RBFOX1: variants seen among roughly 807,000 people sequenced by gnomAD.
RBFOX1 encodes RNA binding protein fox-1 homolog 1.
Under a neutral mutation model 57.7 loss-of-function variants are expected in RBFOX1, and 8 were observed. The observed-to-expected ratio is 0.14, with a 90% CI of 0.08 to 0.25. The LOEUF (loss-of-function observed/expected upper bound fraction) is 0.25. RBFOX1 is among the 10% of genes least tolerant of loss of function. The probability of loss-of-function intolerance (pLI) is 1.00; values close to 1 mark genes in which losing one functional copy is unlikely to be tolerated. For missense variants in RBFOX1, 611 were observed against 548.5 expected (o/e 1.11, Z -1.14); for synonymous variants, 326 against 222.4 (o/e 1.47, Z -4.15).
intron 4 of RBFOX1, among the ~76,000 whole-genome samples, chr16:7,147,546 A>T (rs904540146): frequency 6.6e-6 from 1 of 152,022 alleles, no homozygotes; most frequent in Non-Finnish European, 1.5e-5. Context: ...GTTAGCTCCC[A>T]CTTACAAGTG....
chr16:6,313,968 C>G (rs1022235601), intron 1 of RBFOX1, among the ~76,000 whole-genome samples: 4 of 152,052 alleles, frequency 2.6e-5, no homozygotes, highest in African/African-American at 9.7e-5. Context: ...ATAAAATAAT[C>G]CCCCTAAATG....
chr16:6,963,182 T>C (rs531252646), intron 3 of RBFOX1, among the ~76,000 whole-genome samples: 1 of 152,164 alleles, frequency 6.6e-6, no homozygotes, highest in Non-Finnish European at 1.5e-5. Flanking sequence ...CACTGCTATT[T>C]TTTTTCGGAG....
chr16:6,053,351 T>G (rs56046141), intron 1 of RBFOX1, among the ~76,000 whole-genome samples: 1,824 of 152,118 alleles, frequency 0.012, 44 homozygotes, highest in African/African-American at 0.042. Flanking sequence ...GCTAACACAA[T>G]TAGTGAGTGT....
At chr16:6,196,558 A>G (rs1043687047) in intron 1 of RBFOX1, among the ~76,000 whole-genome samples, 5 of 152,192 alleles carry the variant, frequency 3.3e-5, no homozygotes, top group Non-Finnish European at 5.9e-5. Context: ...AAAAAGCCAA[A>G]TCCACCCCCC....
intron 2 of RBFOX1, among the ~76,000 whole-genome samples, chr16:5,558,756 C>T (rs1232416358): frequency 6.6e-6 from 1 of 152,112 alleles, no homozygotes; most frequent in East Asian, 1.9e-4. Context: ...AGCTTTCTGG[C>T]CAAAGCCCCC....
chr16:7,324,402 A>G (rs2096584219), intron 4 of RBFOX1, among the ~76,000 whole-genome samples: 3 of 152,138 alleles, frequency 2.0e-5, no homozygotes, highest in Non-Finnish European at 4.4e-5. Flanking sequence ...GAAGATGTAG[A>G]GAGTGCACAA....
At chr16:7,199,699 G>T (rs1184101851) in intron 4 of RBFOX1, among the ~76,000 whole-genome samples, 1 of 152,116 alleles carries the variant, frequency 6.6e-6, no homozygotes, top group Non-Finnish European at 1.5e-5. Context: ...TTCAAGATCT[G>T]CCTTTGCCAA....
At chr16:7,697,558 A>G (rs968858145) in intron 14 of RBFOX1, among the ~76,000 whole-genome samples, 6 of 152,206 alleles carry the variant, frequency 3.9e-5, no homozygotes, top group Non-Finnish European at 7.3e-5. Flanking sequence ...ATGATAAACT[A>G]TATATGCATG....
chr16:6,256,251 ATATATGTG>A (rs1169230647), intron 1 of RBFOX1, among the ~76,000 whole-genome samples: 4 of 112,048 alleles, frequency 3.6e-5, no homozygotes, highest in African/African-American at 1.9e-4. Context: ...ATATATGTAT[ATATATGTG>A]TATATATATA....
intron 4 of RBFOX1, among the ~76,000 whole-genome samples, chr16:7,290,451 G>A (rs374888361): frequency 5.9e-5 from 9 of 152,254 alleles, no homozygotes; most frequent in South Asian, 2.1e-4. Flanking sequence ...ATGTCCTTTC[G>A]TAGTTGAGCA....
At chr16:6,887,345 G>T (rs957999507) in intron 3 of RBFOX1, among the ~76,000 whole-genome samples, 3 of 152,148 alleles carry the variant, frequency 2.0e-5, no homozygotes, top group Admixed American at 6.5e-5. Flanking sequence ...AGTAAAGTAA[G>T]TTGAGAAGTT....
intron 3 of RBFOX1, among the ~76,000 whole-genome samples, chr16:5,753,609 C>T (rs2053292377): frequency 6.6e-6 from 1 of 152,102 alleles, no homozygotes; most frequent in East Asian, 1.9e-4. Flanking sequence ...TTTAAGGAAA[C>T]CTACCAGCTG....
At chr16:7,397,722 A>C (rs1365158570) in intron 4 of RBFOX1, among the ~76,000 whole-genome samples, 2 of 152,158 alleles carry the variant, frequency 1.3e-5, no homozygotes, top group Non-Finnish European at 2.9e-5. Flanking sequence ...TGATTTTGAC[A>C]TGTGTATTCA....
At chr16:6,239,162 A>T (rs555847130) in intron 1 of RBFOX1, among the ~76,000 whole-genome samples, 2 of 152,146 alleles carry the variant, frequency 1.3e-5, no homozygotes, top group African/African-American at 4.8e-5. Flanking sequence ...CGCTTATTCA[A>T]TGATTGGAAT....
intron 4 of RBFOX1, among the ~76,000 whole-genome samples, chr16:7,158,961 A>G (rs1423088085): frequency 1.3e-5 from 2 of 152,084 alleles, no homozygotes; most frequent in Non-Finnish European, 2.9e-5. Context: ...CAACACAGTG[A>G]AGATATACAA....
At chr16:7,667,515 C>G (rs966133179) in intron 13 of RBFOX1, among the ~76,000 whole-genome samples, 7 of 152,138 alleles carry the variant, frequency 4.6e-5, no homozygotes, top group African/African-American at 1.4e-4. Context: ...GATGGTTAAA[C>G]AGACTCTTAG....
intron 4 of RBFOX1, among the ~76,000 whole-genome samples, chr16:7,147,614 C>G (rs949309658): frequency 6.6e-6 from 1 of 152,152 alleles, no homozygotes; most frequent in Non-Finnish European, 1.5e-5. Flanking sequence ...TTAATGGCTT[C>G]CAGCTGCATT....
At chr16:7,250,067 CT>C (rs2094451268) in intron 4 of RBFOX1, among the ~76,000 whole-genome samples, 1 of 152,252 alleles carries the variant, frequency 6.6e-6, no homozygotes, top group African/African-American at 2.4e-5. Context: ...ATCCCTCCCC[CT>C]TTTTTTCCCA....
chr16:7,630,423 G>T (rs552116748), intron 10 of RBFOX1, among the ~76,000 whole-genome samples, 180 bp from the exon 11 acceptor site: 51 of 152,102 alleles, frequency 3.4e-4, no homozygotes, highest in Admixed American at 5.2e-4. Context: ...GTGGTGGGTG[G>T]GGGGGCTTCC....
Sources: gnomAD v4.1 joint callset for allele counts (sites outside exome capture counted in the v4.1 genomes callset) on GRCh38, gnomAD v4.1.1 for gene constraint, MANE v1.5 for transcripts, NCBI Gene and HGNC (gene_info 2026-07-23, HGNC 2026-07-21) for gene names.